CACNB2: variants seen among roughly 807,000 people sequenced by gnomAD.
CACNB2 encodes the protein voltage-dependent L-type calcium channel subunit beta-2.
CACNB2 carries 42 observed loss-of-function variants against 73.3 expected under a neutral mutation model. The ratio of observed to expected loss-of-function variants is 0.57; its 90% confidence interval spans 0.45 to 0.74. The LOEUF (loss-of-function observed/expected upper bound fraction) is 0.74, where lower values mean the gene tolerates loss of function less well. Ranked by LOEUF, CACNB2 falls within the 30% of genes least tolerant of loss-of-function variation. The pLI is 0.00. For missense variants in CACNB2, 940 were observed against 853.0 expected, an observed-to-expected ratio of 1.10 and a Z score of -1.27; for synonymous variants, 348 against 310.3, an observed-to-expected ratio of 1.12 and a Z score of -1.28.
intron 3 of CACNB2, among the ~76,000 whole-genome samples, chr10:18,406,599 G>C (rs536985539): frequency 8.5e-5 from 13 of 152,278 alleles, no homozygotes; most frequent in Admixed American, 5.2e-4. Context: ...CATCACCCCT[G>C]GATGGGACCA....
chr10:18,491,455 G>A (rs934478413), intron 3 of CACNB2, among the ~76,000 whole-genome samples: 2 of 152,148 alleles, frequency 1.3e-5, no homozygotes, highest in South Asian at 2.1e-4. Flanking sequence ...GGGCATTGTG[G>A]CATGAGGCTG....
intron 2 of CACNB2, among the ~76,000 whole-genome samples, chr10:18,172,017 A>G (rs1326921415): frequency 1.3e-5 from 2 of 152,162 alleles, no homozygotes; most frequent in African/African-American, 2.4e-5. Context: ...CTAAGAAGGT[A>G]GAAAGTCTAG....
intron 2 of CACNB2, among the ~76,000 whole-genome samples, chr10:18,341,919 G>T (rs1230982091): frequency 1.3e-5 from 2 of 152,112 alleles, no homozygotes; most frequent in African/African-American, 2.4e-5. Context: ...TAAAGATACA[G>T]AATTTTACTT....
intron 10 of CACNB2, among the ~76,000 whole-genome samples, chr10:18,531,378 T>G (rs1229578343): frequency 6.6e-6 from 1 of 152,208 alleles, no homozygotes. Flanking sequence ...TCATTAACCC[T>G]CTATGTACCT....
chr10:18,462,063 G>T (rs566194378), intron 3 of CACNB2, among the ~76,000 whole-genome samples: 1 of 152,194 alleles, frequency 6.6e-6, no homozygotes, highest in South Asian at 2.1e-4. Flanking sequence ...ACTGTGTTTT[G>T]CTCATTTTCC....
chr10:18,326,680 C>A (rs544612097), intron 2 of CACNB2, among the ~76,000 whole-genome samples: 2 of 152,160 alleles, frequency 1.3e-5, no homozygotes, highest in Admixed American at 6.5e-5. Flanking sequence ...ACCACATGAA[C>A]CTCTTCAAAA....
chr10:18,274,930 A>G (rs2038213483), intron 2 of CACNB2, among the ~76,000 whole-genome samples: 1 of 152,060 alleles, frequency 6.6e-6, no homozygotes, highest in African/African-American at 2.4e-5. Flanking sequence ...TTTTCCAATG[A>G]ACTTAACTCT....
At chr10:18,152,050 T>C (rs1229875279) in intron 2 of CACNB2, among the ~76,000 whole-genome samples, 1 of 152,202 alleles carries the variant, frequency 6.6e-6, no homozygotes, top group African/African-American at 2.4e-5. Context: ...TCTACCCTTA[T>C]TGGCTCCTTG....
chr10:18,483,543 A>AC (rs538499151), intron 3 of CACNB2, among the ~76,000 whole-genome samples: 1 of 151,508 alleles, frequency 6.6e-6, no homozygotes, highest in Non-Finnish European at 1.5e-5. Flanking sequence ...AAAAAAAAAA[A>AC]AAAGAAAAGA....
intron 3 of CACNB2, among the ~76,000 whole-genome samples, chr10:18,495,372 ACCATG>A (rs934090078): frequency 1.4e-4 from 22 of 151,952 alleles, no homozygotes; most frequent in African/African-American, 4.8e-4. Flanking sequence ...GTCATGTGCC[ACCATG>A]CCTGGCTAAT....
chr10:18,274,303 A>G (rs1341264517), intron 2 of CACNB2, among the ~76,000 whole-genome samples: 1 of 152,200 alleles, frequency 6.6e-6, no homozygotes, highest in African/African-American at 2.4e-5. Flanking sequence ...TTCAAACTGT[A>G]AGTAACTATC....
At chr10:18,536,809 C>CTATT (rs2053651329) in intron 12 of CACNB2, among the ~76,000 whole-genome samples, 1 of 152,188 alleles carries the variant, frequency 6.6e-6, no homozygotes, top group Non-Finnish European at 1.5e-5. Flanking sequence ...TATGATGAGT[C>CTATT]TATTTGGAGT....
intron 2 of CACNB2, chr10:18,181,977 G>A (rs146175018): frequency 1.3e-5 from 2 of 152,140 alleles, no homozygotes; most frequent in African/African-American, 4.8e-5. Flanking sequence ...TAGTGACCCT[G>A]TGGGGTTCTC....
intron 3 of CACNB2, among the ~76,000 whole-genome samples, chr10:18,473,411 A>C (rs2048289169): frequency 6.6e-6 from 1 of 152,358 alleles, no homozygotes; most frequent in East Asian, 1.9e-4. Context: ...ACAGCCTTTT[A>C]AAAAATATTG....
intron 2 of CACNB2, among the ~76,000 whole-genome samples, chr10:18,278,507 G>A (rs181295577): frequency 5.3e-5 from 8 of 152,018 alleles, no homozygotes; most frequent in South Asian, 4.2e-4. Context: ...GAGAAAAGTC[G>A]CAGTGACAGG....
chr10:18,184,907 A>G (rs1454225706), intron 2 of CACNB2, among the ~76,000 whole-genome samples: 1 of 151,916 alleles, frequency 6.6e-6, no homozygotes, highest in South Asian at 2.1e-4. Flanking sequence ...TGGCCTGATG[A>G]TGGCTCATTG....
chr10:18,439,456 G>A (rs1314104499), intron 3 of CACNB2, among the ~76,000 whole-genome samples: 1 of 152,168 alleles, frequency 6.6e-6, no homozygotes, highest in Admixed American at 6.6e-5. Flanking sequence ...TAGATTCTCA[G>A]CCACCTTCAG....
At position 18,219,672 on chromosome 10, in the gene CACNB2, T is replaced by C. The variant is rs544048607; in HGVS notation, c.213+68697T>C. ...TTGGGGAAATTCAACTGTTATATATTCTAGTCATTTTTTACACTTATAATT... is the reference window on the plus strand; with the variant it reads ...TTGGGGAAATTCAACTGTTATATATCCTAGTCATTTTTTACACTTATAATT... On this transcript the variant is annotated intron_variant, in intron 2 of 13. Coordinates refer to ENST00000324631, the MANE Select transcript of CACNB2 (RefSeq NM_201596.3). 1.3e-4 allele frequency among the ~76,000 whole-genome samples: 20 copies of C among 152,236 alleles called. No homozygotes were observed. In the South Asian group the frequency reaches 4.1e-3, roughly 32 times the overall value.
At chr10:18,300,099 G>A (rs1588978456) in intron 2 of CACNB2, among the ~76,000 whole-genome samples, 1 of 151,672 alleles carries the variant, frequency 6.6e-6, no homozygotes, top group East Asian at 1.9e-4. Flanking sequence ...TCGGCTCACT[G>A]CAACCTCCAC....
Sources: gnomAD v4.1 joint callset for allele counts (sites outside exome capture counted in the v4.1 genomes callset) on GRCh38, gnomAD v4.1.1 for gene constraint, MANE v1.5 for transcripts, NCBI Gene and HGNC (gene_info 2026-07-23, HGNC 2026-07-21) for gene names.